RNF19A: variants seen among roughly 807,000 people sequenced by gnomAD.
RNF19A encodes ring finger protein 19A, RBR E3 ubiquitin protein ligase.
Under a neutral mutation model 75.7 loss-of-function variants are expected in RNF19A, and 32 were observed. The observed-to-expected ratio is 0.42, with a 90% confidence interval of 0.32 to 0.57. The LOEUF is 0.57. RNF19A is among the 20% of genes least tolerant of loss of function. The probability of loss-of-function intolerance (pLI) is 0.10; values close to 1 mark genes in which losing one functional copy is unlikely to be tolerated. For synonymous variants in RNF19A, 335 were observed against 345.2 expected (o/e 0.97, Z 0.33); for missense variants, 782 against 1,036.3 (o/e 0.75, Z 3.37).
intron 1 of RNF19A, among the ~76,000 whole-genome samples, chr8:100,335,864 G>A (rs117516282): frequency 0.045 from 6,877 of 152,326 alleles, 218 homozygotes; most frequent in Middle Eastern, 0.088. Context: ...GGGCCAGGCT[G>A]CCCCTCAGCC....
In RNF19A at chr8:100,325,874, T is replaced by C. The variant is rs1435255629; in HGVS notation, c.-243+10234A>G. Among the ~76,000 whole-genome samples, 2 of 152,178 alleles carry C rather than the reference T, an allele frequency of 1.3e-5. No individual in the cohort carries two copies. Among genetic ancestry groups the C allele is most frequent in the Non-Finnish European group, 2.9e-5 (2 of 68,030 alleles). Reference sequence around the variant, plus strand: ...CATTTTCTTCCTTCTCTCCTCTTTTTAAAATTTATTTAATTAACAAACTGA... The same window carrying C: ...CATTTTCTTCCTTCTCTCCTCTTTTCAAAATTTATTTAATTAACAAACTGA... On this transcript the variant is annotated intron_variant, in intron 1 of 3. Coordinates refer to the RNF19A transcript ENST00000519527. This position sits in a 1 kb window ranked among gnomAD's most constrained non-coding sequence, Gnocchi z 4.3.
At chr8:100,319,928 C>A (rs569219120) in intron 1 of RNF19A, among the ~76,000 whole-genome samples, 1 of 151,506 alleles carries the variant, frequency 6.6e-6, no homozygotes, top group East Asian at 1.9e-4. Context: ...CTCTGCCTCC[C>A]GGGTTCAAGC....
intron 1 of RNF19A, among the ~76,000 whole-genome samples, chr8:100,294,644 C>T (rs563769741): frequency 5.3e-5 from 8 of 152,192 alleles, no homozygotes; most frequent in South Asian, 4.2e-4. Context: ...AGCTGCCCTA[C>T]ACTACATAGA....
rs948576788 is a variant in RNF19A, at chr8:100,308,662, T to A, written c.-94+1205A>T. Among the ~76,000 whole-genome samples the A allele has an allele frequency of 2.7e-5, 4 of 149,796 alleles. 1 individual carries two copies. The highest frequency in any genetic ancestry group is 4.3e-4 in the South Asian group (2 of 4,660). On this transcript the variant is annotated intron_variant, in intron 1 of 9. Transcript: ENST00000341084. ...TAGGTTAAAATAAGAAAAGATATTT[T>A]AAAAAAATGAAAAGAACCATGTTCT...
chr8:100,277,886 A>G (rs1820599864), intron 2 of RNF19A, among the ~76,000 whole-genome samples: 1 of 152,226 alleles, frequency 6.6e-6, no homozygotes, highest in Admixed American at 6.5e-5. Flanking sequence ...TCTCTTCCAA[A>G]CTTTTTCTCT....
intron 1 of RNF19A, among the ~76,000 whole-genome samples, chr8:100,291,967 CTTTTTTTT>C (rs56737985): frequency 1.0e-5 from 1 of 99,988 alleles, no homozygotes. Flanking sequence ...AGGACTAAGT[CTTTTTTTT>C]TTTTTTTTTT....
rs1469675745 is a variant in RNF19A at position 100,324,326 on chromosome 8, ACAAT to A, written c.-242-10958_-242-10955del. On this transcript the variant is annotated intron_variant, in intron 1 of 3. Coordinates refer to the RNF19A transcript ENST00000519527. The surrounding 1 kb of genome is among the most constrained non-coding windows in gnomAD (Gnocchi z 4.2). Reference sequence around the variant, plus strand: ...TATTTTCAGAAGTACAATCTGCAGCACAATCAAGTTCAAGAGTTTGGATGACTAA... The same window carrying A: ...TATTTTCAGAAGTACAATCTGCAGCACAAGTTCAAGAGTTTGGATGACTAA... Among the ~76,000 whole-genome samples the A allele has an allele frequency of 6.6e-6, 1 of 152,246 alleles. No homozygotes were observed. The highest frequency in any genetic ancestry group is 2.4e-5 in the African/African-American group (1 of 41,450).
chr8:100,326,658 TTCTC>T (rs1443978237), intron 1 of RNF19A, among the ~76,000 whole-genome samples: 4 of 152,190 alleles, frequency 2.6e-5, no homozygotes, highest in East Asian at 1.9e-4. Flanking sequence ...CCCTTCAAGT[TTCTC>T]TATCTTATTT....
rs1819588200 is a variant in RNF19A, at chr8:100,259,053, T to C, written c.2020A>G (p.Lys674Glu). The C allele has an allele frequency of 6.2e-7, 1 of 1,614,072 alleles. No homozygotes were observed. The highest frequency in any genetic ancestry group is 1.3e-5 in the African/African-American group (1 of 74,916). ...SKEATAGKKS[K>E]SGKLRKKGNM... ...CCCTTTTTCCTCAGTTTACCACTTT[T>C]TGATTTTTTCCCTGCTGTTGCTTCT... Residue 674 changes from lysine (K) to glutamate (E), a missense_variant, in exon 10 of 10, where the codon AAA becomes GAA. By Grantham distance (56) the Lys-to-Glu change is moderately conservative. Around this residue, in one of 7 missense-constraint regions of RNF19A, gnomAD observed 442 missense variants for 541.6 expected, o/e 0.82. Coordinates refer to ENST00000341084, the MANE Select transcript of RNF19A (RefSeq NM_183419.4). The surrounding 1 kb of genome is among the most constrained non-coding windows in gnomAD (Gnocchi z 4.5).
rs533765733 is a variant in RNF19A at position 100,274,423 on chromosome 8, A to C, written c.883+530T>G. Reference sequence around the variant, plus strand: ...AGGAAAGAGAAGCAAATCAATCAGCAAACAAGTATAAAAAAACATTTATGT... The same window carrying C: ...AGGAAAGAGAAGCAAATCAATCAGCCAACAAGTATAAAAAAACATTTATGT... On this transcript the variant is annotated intron_variant, in intron 3 of 9. Coordinates refer to ENST00000341084, the MANE Select transcript of RNF19A (RefSeq NM_183419.4). Among the ~76,000 whole-genome samples, 5 of 152,362 alleles carry C rather than the reference A, an allele frequency of 3.3e-5. No individual in the cohort carries two copies. In the East Asian group the frequency reaches 7.7e-4, roughly 23 times the overall value.
chr8:100,288,199 T>TA lies in RNF19A; in HGVS notation c.-26dup, dbSNP rs776827526. On this transcript the variant is annotated 5_prime_UTR_variant, in exon 2 of 10. Coordinates refer to ENST00000341084, the MANE Select transcript of RNF19A (RefSeq NM_183419.4). ...TTCACATTAAGTCATGATGTAAGAA[T>TA]ATCCTACTTGGTTCCTTCAGAGAAT... 1.4e-5 allele frequency: 22 copies of TA among 1,559,246 alleles called. No homozygotes were observed. The South Asian group carries it at 2.5e-4, about 18-fold the overall frequency.
At chr8:100,276,094 T>G (rs1374164866) in intron 2 of RNF19A, among the ~76,000 whole-genome samples, 1 of 152,260 alleles carries the variant, frequency 6.6e-6, no homozygotes, top group Non-Finnish European at 1.5e-5. Flanking sequence ...CTAGGCATTC[T>G]TTGGCATTTA....
At chr8:100,300,101 T>C (rs1023579356) in intron 1 of RNF19A, among the ~76,000 whole-genome samples, 1 of 152,248 alleles carries the variant, frequency 6.6e-6, no homozygotes, top group African/African-American at 2.4e-5. Context: ...ATAATATCTC[T>C]TGGGAACCAA....
chr8:100,328,186 C>T (rs1484315961), intron 1 of RNF19A, among the ~76,000 whole-genome samples: 2 of 152,200 alleles, frequency 1.3e-5, no homozygotes, highest in Admixed American at 1.3e-4. Context: ...CCTTCTGCCA[C>T]ACCCTCAGTG....
intron 1 of RNF19A, among the ~76,000 whole-genome samples, chr8:100,304,957 ATGGTGTCT>A (rs1822005958): frequency 6.6e-6 from 1 of 152,172 alleles, no homozygotes; most frequent in Admixed American, 6.5e-5. Context: ...TATTTTAGAG[ATGGTGTCT>A]TGCTCTGTTG....
chr8:100,276,434 G>T (rs113206833), intron 2 of RNF19A, among the ~76,000 whole-genome samples: 38 of 152,052 alleles, frequency 2.5e-4, no homozygotes, highest in African/African-American at 8.2e-4. Flanking sequence ...GGGAAAGAGT[G>T]GGGGGAAGTA....
At position 100,324,808 on chromosome 8, in the gene RNF19A, T is replaced by TCTTC. The variant is rs138631931; in HGVS notation, c.-243+11296_-243+11299dup. ...ATCTTTTTTCTTTCTTTCTCTTTCT[T>TCTTC]CTTCCTTCCTTCCTTCCTTCCTCCT... is the stretch of plus-strand genomic sequence containing the variant. On this transcript the variant is annotated intron_variant, in intron 1 of 3. Transcript: ENST00000519527. This position sits in a 1 kb window ranked among gnomAD's most constrained non-coding sequence, Gnocchi z 4.2. 7.4e-5 allele frequency among the ~76,000 whole-genome samples: 11 copies of TCTTC among 148,230 alleles called. No individual in the cohort carries two copies. Among genetic ancestry groups the TCTTC allele is most frequent in the East Asian group, 1.9e-4 (1 of 5,182 alleles).
At chr8:100,282,891 T>C (rs915835176) in intron 2 of RNF19A, among the ~76,000 whole-genome samples, 2 of 152,206 alleles carry the variant, frequency 1.3e-5, no homozygotes, top group African/African-American at 4.8e-5. Flanking sequence ...TAAGTTATCA[T>C]TGAAAACCAT....
intron 7 of RNF19A, among the ~76,000 whole-genome samples, chr8:100,263,091 T>C (rs544148909): frequency 1.3e-5 from 2 of 152,262 alleles, no homozygotes; most frequent in South Asian, 2.1e-4. Context: ...ACATGCAAGT[T>C]TGAAGTTCAG....
Sources: gnomAD v4.1 joint callset for allele counts (sites outside exome capture counted in the v4.1 genomes callset) on GRCh38, gnomAD v4.1.1 for gene constraint, gnomAD v4.1.1 regional missense constraint, Gnocchi (gnomAD v3.1) non-coding constraint, MANE v1.5 for transcripts, NCBI Gene and HGNC (gene_info 2026-07-23, HGNC 2026-07-21) for gene names.